The following TBC1D23 variants were observed in gnomAD, a reference collection of about 807,000 sequenced individuals.
TBC1D23 encodes the protein HCV non-structural protein 4A-transactivated protein 1.
In TBC1D23, 55 loss-of-function variants were observed where a neutral mutation model predicts 91.4. That is an observed-to-expected ratio of 0.60 (90% confidence interval 0.48 to 0.75). The LOEUF is 0.75. Among genes scored for constraint, TBC1D23 ranks in the 30% least tolerant of loss-of-function variants. The pLI is 0.00. For missense variants in TBC1D23, 725 were observed against 836.1 expected (o/e 0.87, Z 1.64); for synonymous variants, 289 against 281.0 (o/e 1.03, Z -0.28).
chr3:100,273,840 CT>C (rs1051368092), intron 1 of TBC1D23, among the ~76,000 whole-genome samples: 2 of 152,162 alleles, frequency 1.3e-5, no homozygotes, highest in Non-Finnish European at 2.9e-5. Flanking sequence ...TGGATCCCTT[CT>C]TTACACTATA....
At chr3:100,273,307 T>A (rs2067616547) in intron 1 of TBC1D23, among the ~76,000 whole-genome samples, 1 of 151,566 alleles carries the variant, frequency 6.6e-6, no homozygotes. Flanking sequence ...ACAGCACATG[T>A]CTTGGGGGTA....
chr3:100,287,495 TC>T (rs1174680701), intron 4 of TBC1D23, among the ~76,000 whole-genome samples: 1 of 152,236 alleles, frequency 6.6e-6, no homozygotes, highest in Non-Finnish European at 1.5e-5. Context: ...GGCAATTGTT[TC>T]TATAGTGTAT....
At chr3:100,311,904 T>G (rs1199283141) in intron 15 of TBC1D23, 27 bp downstream of exon 15, 20 of 1,499,036 alleles carry the variant, frequency 1.3e-5, no homozygotes, top group Non-Finnish European at 1.8e-5. Flanking sequence ...AGCATTTTTC[T>G]TGAACCATCC....
intron 1 of TBC1D23, among the ~76,000 whole-genome samples, chr3:100,276,355 A>G (rs1311714364): frequency 6.6e-6 from 1 of 151,984 alleles, no homozygotes; most frequent in Admixed American, 6.6e-5. Flanking sequence ...GGAACACAAT[A>G]TATGTAATCC....
intron 4 of TBC1D23, among the ~76,000 whole-genome samples, chr3:100,288,994 G>T (rs1243712957): frequency 6.6e-6 from 1 of 151,970 alleles, no homozygotes; most frequent in African/African-American, 2.4e-5. Flanking sequence ...AGGGAGGATC[G>T]CTTGAGCCCA....
At chr3:100,311,792 T>TA (rs1705629831) in intron 14 of TBC1D23, 41 bp from the exon 15 acceptor site, 4 of 1,454,034 alleles carry the variant, frequency 2.8e-6, no homozygotes, top group East Asian at 4.9e-5. Context: ...GCATTTTTTT[T>TA]ATAATCATTT....
chr3:100,292,878 G>A (rs2067804009), intron 5 of TBC1D23, among the ~76,000 whole-genome samples: 1 of 152,162 alleles, frequency 6.6e-6, no homozygotes, highest in Non-Finnish European at 1.5e-5. Flanking sequence ...AGGGATTACA[G>A]GTGTGAGCCA....
intron 15 of TBC1D23, among the ~76,000 whole-genome samples, chr3:100,313,559 A>G (rs1210374078): frequency 6.6e-6 from 1 of 152,212 alleles, no homozygotes; most frequent in Non-Finnish European, 1.5e-5. Flanking sequence ...ATTGTATTAT[A>G]AATCTTGATT....
At chr3:100,311,783 C>CT in intron 14 of TBC1D23, 50 bp from the exon 15 acceptor site, 1 of 1,214,410 alleles carries the variant, frequency 8.2e-7, no homozygotes, top group Non-Finnish European at 1.2e-6. Flanking sequence ...AAAGCTGTTG[C>CT]ATTTTTTTTA....
At position 100,312,367 on chromosome 3, in the gene TBC1D23, T is replaced by A. The variant is rs1370050121; in HGVS notation, c.1598+490T>A. On this transcript the variant is annotated intron_variant, in intron 15 of 18. Coordinates refer to ENST00000394144, the MANE Select transcript of TBC1D23 (RefSeq NM_001199198.3). ...TTTTTCTTAATAAGATGTATGTATA[T>A]AGGTTGAGTTAGCATATATAAATCT... Among the ~76,000 whole-genome samples the A allele has an allele frequency of 2.0e-5, 3 of 152,208 alleles. No individual in the cohort carries two copies. In the East Asian group the frequency reaches 5.8e-4, roughly 29 times the overall value.
At chr3:100,290,734 A>G in intron 5 of TBC1D23, 33 bp downstream of exon 5, 7 of 1,544,986 alleles carry the variant, frequency 4.5e-6, no homozygotes, top group Non-Finnish European at 6.1e-6. Context: ...ATTTAATGAA[A>G]AATAGATTTA....
At chr3:100,299,450 G>A (rs1342325286) in intron 10 of TBC1D23, 119 bp downstream of exon 10, 1 of 489,496 alleles carries the variant, frequency 2.0e-6, no homozygotes, top group Non-Finnish European at 3.6e-6. Flanking sequence ...GGGAGTCTCT[G>A]CCCTTATGAG....
In TBC1D23 at chr3:100,316,137, G is replaced by T; in HGVS notation, c.1637G>T (p.Arg546Leu). ...SSSDRVGKPY[R>L]GVKPVFSIGD... ...AGTGACAGAGTGGGCAAGCCTTACC[G>T]TGGCGTAAAGCCTGTTTTCAGCATT... The change falls in exon 16 of 19, where the codon CGT becomes CTT. Residue 546 changes from arginine to leucine, a missense_variant. Coordinates refer to ENST00000394144, the MANE Select transcript of TBC1D23 (RefSeq NM_001199198.3). 6.2e-7 allele frequency: 1 copy of T among 1,614,104 alleles called. No homozygotes were observed. Among genetic ancestry groups the T allele is most frequent in the Non-Finnish European group, 8.5e-7 (1 of 1,179,980 alleles).
chr3:100,288,242 T>TAAA (rs57164675), intron 4 of TBC1D23, among the ~76,000 whole-genome samples: 1 of 139,454 alleles, frequency 7.2e-6, no homozygotes. Flanking sequence ...AGACCCTGTC[T>TAAA]AAAAAAAAAA....
intron 3 of TBC1D23, among the ~76,000 whole-genome samples, chr3:100,282,840 C>T (rs1194930034): frequency 6.6e-6 from 1 of 152,124 alleles, no homozygotes; most frequent in Non-Finnish European, 1.5e-5. Flanking sequence ...CTTTTGCTTC[C>T]CAGGAATATG....
At chr3:100,296,695 T>G (rs1183688429) in intron 8 of TBC1D23, among the ~76,000 whole-genome samples, 1 of 151,716 alleles carries the variant, frequency 6.6e-6, no homozygotes, top group Non-Finnish European at 1.5e-5. Flanking sequence ...CTATCTTTAC[T>G]AAGAAATACA....
Position 100,321,106 on chromosome 3 carries a change from C to A in TBC1D23, c.2018+135C>A, listed in dbSNP as rs1207666312. ...GATAGCTGAACCACTTTTAGTGTTT[C>A]TTATCTCTTTCTCCGGAGTCCTTAG... On this transcript the variant is annotated intron_variant, in intron 18 of 18. Coordinates refer to ENST00000394144, the MANE Select transcript of TBC1D23 (RefSeq NM_001199198.3). 18 of 652,664 alleles carry A rather than the reference C, an allele frequency of 2.8e-5. No homozygotes were observed. In the East Asian group the frequency reaches 5.2e-4, roughly 19 times the overall value. The allele number at this position is 652,664 out of a possible 1,614,324, so 40.4% of individuals were successfully genotyped here.
At chr3:100,321,348 G>C (rs1705854899) in intron 18 of TBC1D23, among the ~76,000 whole-genome samples, 1 of 152,172 alleles carries the variant, frequency 6.6e-6, no homozygotes. Context: ...GAACTAAGCA[G>C]TGTGCTGGGT....
chr3:100,317,854 G>T (rs1008422928), intron 16 of TBC1D23, among the ~76,000 whole-genome samples: 5 of 152,106 alleles, frequency 3.3e-5, no homozygotes. Flanking sequence ...GAAACTATGT[G>T]TATCAGTATG....
Sources: allele counts gnomAD v4.1 joint callset (sites outside exome capture counted in the v4.1 genomes callset), GRCh38; gene constraint gnomAD v4.1.1; transcripts MANE v1.5; gene names NCBI Gene and HGNC (gene_info 2026-07-23, HGNC 2026-07-21).